The following TAFA2 variants were observed in gnomAD, a reference collection of about 807,000 sequenced individuals.
The protein encoded by TAFA2 is chemokine-like protein TAFA-2.
In TAFA2, 7 loss-of-function variants were observed where a neutral mutation model predicts 18.8. That is an observed-to-expected ratio of 0.37 (90% CI 0.21 to 0.70). The LOEUF (loss-of-function observed/expected upper bound fraction) is 0.70, where lower values mean the gene tolerates loss of function less well. Among genes scored for constraint, TAFA2 ranks in the 30% least tolerant of loss-of-function variants. The pLI is 0.53. For missense variants in TAFA2, 122 were observed against 158.1 expected, an observed-to-expected ratio of 0.77 and a Z score of 1.23; for synonymous variants, 60 against 54.2, an observed-to-expected ratio of 1.11 and a Z score of -0.47.
At chr12:62,245,716 T>C (rs2062882122) in intron 1 of TAFA2, among the ~76,000 whole-genome samples, 1 of 143,918 alleles carries the variant, frequency 6.9e-6, no homozygotes, top group Admixed American at 6.9e-5. Context: ...TTATATATTT[T>C]ATTTATAATA....
intron 2 of TAFA2, among the ~76,000 whole-genome samples, chr12:61,842,947 T>G (rs1202522313): frequency 6.6e-6 from 1 of 152,006 alleles, no homozygotes. Flanking sequence ...TGTATATGCT[T>G]AAGAGAAGAT....
At chr12:61,838,292 T>C (rs1156242160) in intron 2 of TAFA2, among the ~76,000 whole-genome samples, 1 of 152,004 alleles carries the variant, frequency 6.6e-6, no homozygotes, top group Non-Finnish European at 1.5e-5. Context: ...CCTGGATCAC[T>C]CCTGCCCTTA....
At chr12:61,814,088 T>C (rs1240096480) in intron 2 of TAFA2, among the ~76,000 whole-genome samples, 8 of 151,450 alleles carry the variant, frequency 5.3e-5, no homozygotes, top group Admixed American at 5.2e-4. Flanking sequence ...CAGTTGTGAC[T>C]ATTTCAATAA....
intron 2 of TAFA2, among the ~76,000 whole-genome samples, chr12:61,787,785 A>G (rs976942037): frequency 1.3e-5 from 2 of 151,664 alleles, no homozygotes; most frequent in African/African-American, 4.8e-5. Flanking sequence ...AGAGAGGAAT[A>G]AAAGAACATG....
In TAFA2 at chr12:61,980,531, A is replaced by G. The variant is rs1369724323; in HGVS notation, c.-1-113105T>C. ...GAAGTCAAATTGTCCCTGTTTGCAG[A>G]TGACATGATTGTATATTTAGAAAAA... On this transcript the variant is annotated intron_variant, in intron 1 of 4. Transcript: ENST00000416284. 4.6e-5 allele frequency among the ~76,000 whole-genome samples: 7 copies of G among 152,336 alleles called. No homozygotes were observed. In the East Asian group the frequency reaches 1.4e-3, roughly 29 times the overall value.
chr12:62,067,787 A>G (rs1423347248), intron 1 of TAFA2, among the ~76,000 whole-genome samples: 1 of 152,052 alleles, frequency 6.6e-6, no homozygotes, highest in Non-Finnish European at 1.5e-5. Context: ...TACAATATCA[A>G]AATGAACTTT....
intron 1 of TAFA2, among the ~76,000 whole-genome samples, chr12:62,169,918 T>C (rs908128275): frequency 1.3e-5 from 2 of 152,018 alleles, no homozygotes; most frequent in Non-Finnish European, 2.9e-5. Flanking sequence ...ATGCTTTTGT[T>C]AATTTGTTCT....
intron 1 of TAFA2, among the ~76,000 whole-genome samples, chr12:62,250,614 A>C (rs80337064): frequency 0.042 from 6,330 of 152,186 alleles, 174 homozygotes; most frequent in African/African-American, 0.058. Flanking sequence ...ATGTCTTTGA[A>C]TATTGCCTGT....
intron 2 of TAFA2, among the ~76,000 whole-genome samples, chr12:61,838,486 C>T (rs916883187): frequency 6.6e-5 from 10 of 151,998 alleles, no homozygotes; most frequent in South Asian, 4.1e-4. Context: ...AGACAGAAGA[C>T]ACTGAAAGAA....
In TAFA2 at chr12:61,800,316, A is replaced by G. The variant is rs189749835; in HGVS notation, c.107-45292T>C. ...TTTCAAGTTTAAAAGTTCCTGAAGG[A>G]AGAATTTATATTTGGGACCTTGCTT... On this transcript the variant is annotated intron_variant, in intron 2 of 4. Transcript: ENST00000416284. Among the ~76,000 whole-genome samples the G allele has an allele frequency of 3.4e-3, 524 of 152,302 alleles. 3 individuals are homozygous for G. Among genetic ancestry groups the G allele is most frequent in the African/African-American group, 0.012 (493 of 41,574 alleles).
intron 1 of TAFA2, among the ~76,000 whole-genome samples, chr12:62,149,773 C>T (rs113286418): frequency 9.3e-4 from 141 of 152,120 alleles, no homozygotes; most frequent in African/African-American, 3.2e-3. Flanking sequence ...CTCCAACTCT[C>T]ACTCAGCCAC....
chr12:62,157,740 C>T (rs980511607), intron 1 of TAFA2, among the ~76,000 whole-genome samples: 17 of 152,174 alleles, frequency 1.1e-4, no homozygotes, highest in Non-Finnish European at 2.1e-4. Context: ...CATCCTCCAG[C>T]CCCTCCTTCC....
intron 1 of TAFA2, among the ~76,000 whole-genome samples, chr12:62,018,527 A>G (rs138166902): frequency 1.4e-3 from 216 of 152,348 alleles, no homozygotes; most frequent in African/African-American, 5.0e-3. Flanking sequence ...CCACGTATCT[A>G]CAACTATCTG....
chr12:61,788,993 C>A (rs6581432), intron 2 of TAFA2, among the ~76,000 whole-genome samples: 1 of 151,724 alleles, frequency 6.6e-6, no homozygotes, highest in Admixed American at 6.6e-5. Context: ...TTGATGGGGT[C>A]ATTTTTTTCT....
chr12:61,801,557 T>C (rs188289564), intron 2 of TAFA2, among the ~76,000 whole-genome samples: 8 of 152,212 alleles, frequency 5.3e-5, no homozygotes, highest in Admixed American at 6.5e-5. Flanking sequence ...GTGTCTTATA[T>C]GCAGAAAAAT....
At chr12:62,189,938 CTTTG>C (rs749912774) in intron 1 of TAFA2, among the ~76,000 whole-genome samples, 9 of 67,198 alleles carry the variant, frequency 1.3e-4, no homozygotes, top group Non-Finnish European at 2.0e-4. Context: ...TATGAGTTTG[CTTTG>C]TGTGTGTGTG....
chr12:62,179,442 G>A (rs1038705183), intron 1 of TAFA2, among the ~76,000 whole-genome samples: 21 of 152,172 alleles, frequency 1.4e-4, no homozygotes, highest in Non-Finnish European at 2.8e-4. Context: ...GAAAACTGGT[G>A]ATGAAAATGA....
intron 2 of TAFA2, among the ~76,000 whole-genome samples, chr12:61,854,144 G>C (rs1160912641): frequency 6.6e-6 from 1 of 152,058 alleles, no homozygotes; most frequent in African/African-American, 2.4e-5. Flanking sequence ...AAATAGCAAA[G>C]TCAGCACAAA....
intron 1 of TAFA2, among the ~76,000 whole-genome samples, chr12:62,059,448 A>C (rs1464561705): frequency 6.6e-6 from 1 of 152,208 alleles, no homozygotes; most frequent in Non-Finnish European, 1.5e-5. Context: ...GAGACAAGCA[A>C]CAACTATGTT....
Sources: allele counts gnomAD v4.1 joint callset (sites outside exome capture counted in the v4.1 genomes callset), GRCh38; gene constraint gnomAD v4.1.1; transcripts MANE v1.5; gene names NCBI Gene and HGNC (gene_info 2026-07-23, HGNC 2026-07-21).